KCNB2: variants seen among roughly 807,000 people sequenced by gnomAD.
KCNB2 encodes potassium voltage-gated channel subfamily B member 2.
In KCNB2, 15 loss-of-function variants were observed where a neutral mutation model predicts 61.5. That is an observed-to-expected ratio of 0.24 (90% CI 0.16 to 0.38). KCNB2 has a LOEUF of 0.38. Ranked by LOEUF, KCNB2 falls within the 10% of genes least tolerant of loss-of-function variation. KCNB2 has a pLI of 1.00. For synonymous variants in KCNB2, 457 were observed against 446.0 expected, an observed-to-expected ratio of 1.02 and a Z score of -0.31; for missense variants, 828 against 1,125.2, an observed-to-expected ratio of 0.74 and a Z score of 3.78.
intron 2 of KCNB2, among the ~76,000 whole-genome samples, chr8:72,753,278 G>A (rs904793263): frequency 1.2e-4 from 18 of 152,080 alleles, no homozygotes; most frequent in East Asian, 5.8e-4. Context: ...ATGAGTTTAC[G>A]TTGATACCAC....
chr8:72,540,570 T>C, intron 1 of KCNB2, among the ~76,000 whole-genome samples: 1 of 152,108 alleles, frequency 6.6e-6, no homozygotes, highest in Admixed American at 6.5e-5. Context: ...AGTGATAGAA[T>C]AAACTTTATA....
chr8:72,793,168 A>T (rs1013712811), intron 2 of KCNB2, among the ~76,000 whole-genome samples: 6 of 152,182 alleles, frequency 3.9e-5, no homozygotes, highest in Admixed American at 3.9e-4. Context: ...TTTGGTGAGA[A>T]CCTATCAGAT....
intron 2 of KCNB2, among the ~76,000 whole-genome samples, chr8:72,852,259 G>A (rs957661057): frequency 1.3e-5 from 2 of 151,770 alleles, no homozygotes; most frequent in East Asian, 1.9e-4. Context: ...GACCCTGCCT[G>A]GAAAAAGAAA....
At chr8:72,820,851 G>T (rs1018599335) in intron 2 of KCNB2, among the ~76,000 whole-genome samples, 3 of 151,984 alleles carry the variant, frequency 2.0e-5, no homozygotes, top group African/African-American at 7.3e-5. Flanking sequence ...ATTTCCATAA[G>T]TTCACTGGTT....
chr8:72,910,529 A>T (rs76668135), intron 2 of KCNB2, among the ~76,000 whole-genome samples: 2,276 of 152,312 alleles, frequency 0.015, 26 homozygotes, highest in Non-Finnish European at 0.024. Flanking sequence ...GAAAATGAAG[A>T]GAGTGCCATA....
intron 2 of KCNB2, among the ~76,000 whole-genome samples, chr8:72,885,591 T>C (rs928583528): frequency 5.9e-5 from 9 of 152,198 alleles, no homozygotes; most frequent in African/African-American, 2.2e-4. Flanking sequence ...CAGAAGGGTA[T>C]GCATCAAAAT....
chr8:72,712,890 G>A (rs981726964), intron 2 of KCNB2, among the ~76,000 whole-genome samples: 2 of 152,210 alleles, frequency 1.3e-5, no homozygotes, highest in Admixed American at 1.3e-4. Context: ...AGTGCAAGGG[G>A]TCAGGGAATT....
intron 2 of KCNB2, among the ~76,000 whole-genome samples, chr8:72,709,421 T>G (rs1011801643): frequency 6.6e-6 from 1 of 151,784 alleles, no homozygotes; most frequent in Admixed American, 6.6e-5. Context: ...AGAAAGAGAT[T>G]TAATTGGCTC....
intron 2 of KCNB2, among the ~76,000 whole-genome samples, chr8:72,927,642 C>T (rs191526144): frequency 3.9e-5 from 6 of 152,278 alleles, no homozygotes; most frequent in Admixed American, 1.3e-4. Flanking sequence ...TCAAGGCTCT[C>T]GCAATTGGTT....
chr8:72,672,266 G>A (rs116298622), intron 2 of KCNB2, among the ~76,000 whole-genome samples: 470 of 152,118 alleles, frequency 3.1e-3, no homozygotes, highest in African/African-American at 0.011. Flanking sequence ...CAATACAAAG[G>A]GCAGTTTTGG....
chr8:72,680,767 T>C (rs1407672690), intron 2 of KCNB2, among the ~76,000 whole-genome samples: 2 of 151,980 alleles, frequency 1.3e-5, no homozygotes, highest in Non-Finnish European at 2.9e-5. Context: ...CGAGATAGAG[T>C]AGCATAGCGA....
intron 2 of KCNB2, among the ~76,000 whole-genome samples, chr8:72,786,986 A>G (rs1808854215): frequency 1.3e-5 from 2 of 152,170 alleles, no homozygotes; most frequent in African/African-American, 2.4e-5. Context: ...TCATTGCTTC[A>G]TGCTAGTACT....
chr8:72,922,074 C>T (rs1210942963), intron 2 of KCNB2, among the ~76,000 whole-genome samples: 1 of 152,162 alleles, frequency 6.6e-6, no homozygotes, highest in African/African-American at 2.4e-5. Flanking sequence ...AAGGTGTGGA[C>T]AGGGCTGTGC....
chr8:72,732,493 G>A (rs1807763401), intron 2 of KCNB2, among the ~76,000 whole-genome samples: 1 of 152,210 alleles, frequency 6.6e-6, no homozygotes, highest in Non-Finnish European at 1.5e-5. Context: ...TTTAGACATT[G>A]CAAGAATATG....
intron 2 of KCNB2, among the ~76,000 whole-genome samples, chr8:72,867,641 A>G (rs1286000329): frequency 6.6e-6 from 1 of 152,232 alleles, no homozygotes; most frequent in Non-Finnish European, 1.5e-5. Context: ...GAATATAACT[A>G]GTGAGTTGAG....
intron 2 of KCNB2, among the ~76,000 whole-genome samples, chr8:72,829,060 A>G (rs1010212852): frequency 6.6e-6 from 1 of 152,118 alleles, no homozygotes; most frequent in African/African-American, 2.4e-5. Flanking sequence ...TTCCCTTGTC[A>G]TGGCTCTGAC....
chr8:72,763,953 A>G (rs1166483767), intron 2 of KCNB2, among the ~76,000 whole-genome samples: 1 of 152,176 alleles, frequency 6.6e-6, no homozygotes, highest in Non-Finnish European at 1.5e-5. Context: ...CAAACAGAAT[A>G]TACAAGGCAC....
intron 2 of KCNB2, among the ~76,000 whole-genome samples, chr8:72,790,441 T>A (rs1020778451): frequency 6.6e-6 from 1 of 152,204 alleles, no homozygotes; most frequent in Admixed American, 6.5e-5. Flanking sequence ...ATTTTTTAAA[T>A]GTCCACTGAA....
At chr8:72,827,139 T>G (rs1171564669) in intron 2 of KCNB2, among the ~76,000 whole-genome samples, 2 of 152,130 alleles carry the variant, frequency 1.3e-5, no homozygotes, top group Admixed American at 1.3e-4. Flanking sequence ...CAGGGAGAGA[T>G]TGACCTTCAT....
Sources: allele counts gnomAD v4.1 joint callset (sites outside exome capture counted in the v4.1 genomes callset), GRCh38; gene constraint gnomAD v4.1.1; transcripts MANE v1.5; gene names NCBI Gene and HGNC (gene_info 2026-07-23, HGNC 2026-07-21).